Variants in SGCD observed in about 807,000 individuals in gnomAD.
SGCD encodes the protein sarcoglycan delta.
Under a neutral mutation model 36.6 loss-of-function variants are expected in SGCD, and 18 were observed. The observed-to-expected ratio is 0.49, with a 90% CI of 0.34 to 0.73. SGCD has a LOEUF of 0.73. Ranked by LOEUF, SGCD falls within the 30% of genes least tolerant of loss-of-function variation. The pLI is 0.01. For synonymous variants in SGCD, 133 were observed against 130.6 expected (o/e 1.02, Z -0.12); for missense variants, 387 against 346.7 (o/e 1.12, Z -0.92).
chr5:155,843,128 T>G, the SGCD span, among the ~76,000 whole-genome samples: 2 of 152,226 alleles, frequency 1.3e-5, no homozygotes, highest in Non-Finnish European at 2.9e-5. Context: ...CAATGGTATC[T>G]TACGTGAGGA....
chr5:155,889,307 A>G (rs1756073269), intron 1 of SGCD, among the ~76,000 whole-genome samples: 1 of 152,178 alleles, frequency 6.6e-6, no homozygotes, highest in Non-Finnish European at 1.5e-5. Context: ...CTCATTTATA[A>G]TCTTTGTAGG....
At chr5:156,756,203 A>ACTTT (rs1398513154) in intron 7 of SGCD, among the ~76,000 whole-genome samples, 1 of 152,210 alleles carries the variant, frequency 6.6e-6, no homozygotes, top group Non-Finnish European at 1.5e-5. Flanking sequence ...ACGTTAGGAT[A>ACTTT]CTTTCTTTGT....
chr5:155,869,282 G>A (rs1388571279), upstream of SGCD, among the ~76,000 whole-genome samples: 4 of 152,104 alleles, frequency 2.6e-5, no homozygotes, highest in Non-Finnish European at 5.9e-5. Context: ...CTAGCCAATT[G>A]CCTGATATTT....
the SGCD span, among the ~76,000 whole-genome samples, chr5:155,859,250 A>G: frequency 2.6e-5 from 4 of 151,772 alleles, no homozygotes; most frequent in Non-Finnish European, 4.4e-5. Context: ...TGTTATTTGT[A>G]GAGATGAGGT....
the SGCD span, among the ~76,000 whole-genome samples, chr5:155,861,807 G>A: frequency 2.0e-4 from 31 of 152,304 alleles, no homozygotes; most frequent in African/African-American, 6.5e-4. Context: ...AAATTCCGTG[G>A]GGAAAAGATC....
At chr5:156,619,957 C>T (rs552575101) in intron 6 of SGCD, among the ~76,000 whole-genome samples, 23 of 152,248 alleles carry the variant, frequency 1.5e-4, no homozygotes, top group African/African-American at 5.5e-4. Flanking sequence ...AAGGGTTAAT[C>T]CAAACAAAGG....
intron 3 of SGCD, among the ~76,000 whole-genome samples, chr5:156,235,994 T>A (rs1280291220): frequency 6.6e-6 from 1 of 152,346 alleles, no homozygotes; most frequent in East Asian, 1.9e-4. Context: ...ATGTGGTGGA[T>A]TTTTGTCTTA....
chr5:155,988,551 A>G lies in SGCD; in HGVS notation c.-282+118127A>G, dbSNP rs145337765. ...AATAGTGCCAGCCGCAGTGTATGCT[A>G]TTCTTCTTAATTGGTCAAACTGATC... is the stretch of plus-strand genomic sequence containing the variant. On this transcript the variant is annotated intron_variant, in intron 1 of 9. Transcript: ENST00000517913. 1.9e-3 allele frequency among the ~76,000 whole-genome samples: 293 copies of G among 151,902 alleles called. 2 individuals are homozygous for G. Among genetic ancestry groups the G allele is most frequent in the African/African-American group, 6.9e-3 (283 of 41,176 alleles).
chr5:156,072,687 G>C (rs1268610068), intron 1 of SGCD, among the ~76,000 whole-genome samples: 2 of 152,212 alleles, frequency 1.3e-5, no homozygotes, highest in Admixed American at 1.3e-4. Flanking sequence ...TGCCTTGCTA[G>C]AATGGGGAAG....
At chr5:156,136,479 A>G (rs1016630846) in intron 3 of SGCD, among the ~76,000 whole-genome samples, 2 of 152,186 alleles carry the variant, frequency 1.3e-5, no homozygotes, top group African/African-American at 4.8e-5. Context: ...GCAAATGCAC[A>G]TGGCCTGTAT....
At chr5:156,277,144 A>G (rs985683317) in intron 3 of SGCD, among the ~76,000 whole-genome samples, 2 of 152,214 alleles carry the variant, frequency 1.3e-5, no homozygotes, top group African/African-American at 4.8e-5. Flanking sequence ...ACCAGTGGTT[A>G]AAGGGATGGA....
At chr5:155,998,097 T>C (rs1758592702) in intron 1 of SGCD, among the ~76,000 whole-genome samples, 1 of 152,220 alleles carries the variant, frequency 6.6e-6, no homozygotes, top group Non-Finnish European at 1.5e-5. Flanking sequence ...ATGACAGGCA[T>C]TGCCTCAGGC....
chr5:156,269,587 C>T (rs1443229105), intron 3 of SGCD, among the ~76,000 whole-genome samples: 1 of 151,226 alleles, frequency 6.6e-6, no homozygotes, highest in Non-Finnish European at 1.5e-5. Context: ...TCAACTACCT[C>T]CCACTGGGTC....
chr5:156,758,371 G>A (rs1757415100), intron 8 of SGCD, among the ~76,000 whole-genome samples: 1 of 145,676 alleles, frequency 6.9e-6, no homozygotes, highest in African/African-American at 2.6e-5. Context: ...TTTAATCATA[G>A]AGTTAAAAAA....
At chr5:156,551,557 C>G (rs1758797871) in intron 4 of SGCD, among the ~76,000 whole-genome samples, 2 of 151,550 alleles carry the variant, frequency 1.3e-5, no homozygotes, top group Admixed American at 1.3e-4. Context: ...CAGTACTTGG[C>G]ACATGGTGAA....
chr5:155,914,461 C>T (rs865873862), intron 1 of SGCD, among the ~76,000 whole-genome samples: 1 of 152,146 alleles, frequency 6.6e-6, no homozygotes, highest in Non-Finnish European at 1.5e-5. Context: ...CCTCAGCTGG[C>T]TCTTCCCAGT....
chr5:156,476,792 C>T (rs1581048401), intron 3 of SGCD, among the ~76,000 whole-genome samples: 1 of 152,222 alleles, frequency 6.6e-6, no homozygotes, highest in African/African-American at 2.4e-5. Flanking sequence ...CTCTGGGAAT[C>T]CTAATCAGGT....
the SGCD span, among the ~76,000 whole-genome samples, chr5:155,755,879 A>G: frequency 6.6e-6 from 1 of 152,216 alleles, no homozygotes; most frequent in East Asian, 1.9e-4. Context: ...ATTGTGGTTA[A>G]ATAGATGAAT....
intron 3 of SGCD, among the ~76,000 whole-genome samples, chr5:156,270,793 G>A (rs1766156040): frequency 6.8e-6 from 1 of 146,522 alleles, no homozygotes; most frequent in South Asian, 2.1e-4. Flanking sequence ...GGATAGGGCT[G>A]TGGCAAGGGT....
Sources: allele counts gnomAD v4.1 joint callset (sites outside exome capture counted in the v4.1 genomes callset), GRCh38; gene constraint gnomAD v4.1.1; transcripts MANE v1.5; gene names NCBI Gene and HGNC (gene_info 2026-07-23, HGNC 2026-07-21).